Variants in OPRK1 observed in about 807,000 individuals in gnomAD.
OPRK1 encodes the protein kappa-type opioid receptor.
In OPRK1, 15 loss-of-function variants were observed where a neutral mutation model predicts 24.5. The observed-to-expected ratio is 0.61, with a 90% CI of 0.41 to 0.94. The LOEUF is 0.94. Among genes scored for constraint, OPRK1 ranks in the 40% least tolerant of loss-of-function variants. OPRK1 has a pLI of 0.00. For missense variants in OPRK1, 479 were observed against 507.3 expected (o/e 0.94, Z 0.54); for synonymous variants, 205 against 198.0 (o/e 1.04, Z -0.30).
chr8:53,251,149 G>A (rs1807385708), intron 1 of OPRK1, 64 bp from the exon 2 acceptor site: 4 of 1,394,958 alleles, frequency 2.9e-6, no homozygotes, highest in Non-Finnish European at 3.7e-6. Context: ...CTGGCCAGCG[G>A]CGCTGGGGAC....
chr8:53,227,534 T>C lies in OPRK1; in HGVS notation c.*1763A>G, dbSNP rs1806732778. On this transcript the variant is annotated 3_prime_UTR_variant, in exon 4 of 4. Transcript: ENST00000265572. Reference sequence around the variant, plus strand: ...AACCAGTATTTAAGCAATTCCTATTTACATTCAGTTATAAAAATACAAGGG... The same window carrying C: ...AACCAGTATTTAAGCAATTCCTATTCACATTCAGTTATAAAAATACAAGGG... 1 of 152,214 alleles carries C rather than the reference T, an allele frequency of 6.6e-6. No homozygotes were observed. The highest frequency in any genetic ancestry group is 6.5e-5 in the Admixed American group (1 of 15,280). 9.4% of individuals were successfully genotyped at this position (152,214 alleles called of 1,614,324 possible).
intron 1 of OPRK1, 115 bp from the exon 2 acceptor site, chr8:53,251,200 G>A: frequency 8.6e-7 from 1 of 1,159,366 alleles, no homozygotes. Flanking sequence ...AAGTCGCCGG[G>A]GGCAGGACAG....
chr8:53,243,591 T>C (rs749736930), intron 2 of OPRK1, among the ~76,000 whole-genome samples: 5 of 152,224 alleles, frequency 3.3e-5, no homozygotes, highest in Non-Finnish European at 5.9e-5. Flanking sequence ...CACGAGACTT[T>C]GGCCTCCATC....
chr8:53,244,212 A>T (rs1807180274), intron 2 of OPRK1, among the ~76,000 whole-genome samples: 1 of 135,776 alleles, frequency 7.4e-6, no homozygotes, highest in South Asian at 2.4e-4. Flanking sequence ...ATGAGTCAGT[A>T]AATGGCACAT....
intron 2 of OPRK1, among the ~76,000 whole-genome samples, chr8:53,243,758 T>C (rs1275593483): frequency 2.6e-5 from 4 of 152,234 alleles, no homozygotes; most frequent in African/African-American, 7.2e-5. Flanking sequence ...TTTGCTACAT[T>C]TGTATTAAAG....
chr8:53,240,315 T>G (rs548252570), intron 2 of OPRK1, among the ~76,000 whole-genome samples: 2 of 152,192 alleles, frequency 1.3e-5, no homozygotes, highest in African/African-American at 4.8e-5. Flanking sequence ...ACAAAAGCCC[T>G]GGTGATTTTC....
rs193018670 is a variant in OPRK1, at chr8:53,229,101, C to T, written c.*196G>A. The T allele has an allele frequency of 4.6e-5, 27 of 589,222 alleles. No homozygotes were observed. The highest frequency in any genetic ancestry group is 3.7e-4 in the African/African-American group (20 of 53,734). 36.5% of individuals were successfully genotyped at this position (589,222 alleles called of 1,614,324 possible). On this transcript the variant is annotated 3_prime_UTR_variant, in exon 4 of 4. Transcript: ENST00000265572. ...CCCTAGAGAAGAGGTGCATGTGTTG[C>T]GTGGACCTTTTGTCCTTGATGTTTC... is the stretch of plus-strand genomic sequence containing the variant.
chr8:53,232,199 T>A (rs1330741059), intron 3 of OPRK1, among the ~76,000 whole-genome samples: 1 of 151,522 alleles, frequency 6.6e-6, no homozygotes, highest in African/African-American at 2.4e-5. Flanking sequence ...AACCTGAACT[T>A]ACAGAGATAG....
rs751416416 is a variant in OPRK1, at chr8:53,250,920, C to A, written c.118G>T (p.Gly40Cys). Residue 40 changes from glycine to cysteine, a missense_variant, in exon 2 of 4, where the codon GGC becomes TGC. Coordinates refer to ENST00000265572, the MANE Select transcript of OPRK1 (RefSeq NM_000912.5). ...FPGWAEPDSN[G>C]SAGSEDAQLE... ...TGCGCGTCCTCCGAGCCGGCGCTGC[C>A]GTTGCTGTCGGGCTCGGCCCAGCCG... The A allele has an allele frequency of 1.9e-6, 3 of 1,612,198 alleles. No individual in the cohort carries two copies. Among genetic ancestry groups the A allele is most frequent in the Admixed American group, 3.3e-5 (2 of 59,946 alleles).
At chr8:53,241,575 A>G (rs1363390669) in intron 2 of OPRK1, among the ~76,000 whole-genome samples, 1 of 152,102 alleles carries the variant, frequency 6.6e-6, no homozygotes, top group East Asian at 1.9e-4. Flanking sequence ...GAAAGGAAAA[A>G]TGGAAGGAAA....
At chr8:53,247,478 T>G (rs1807260205) in intron 2 of OPRK1, among the ~76,000 whole-genome samples, 1 of 152,186 alleles carries the variant, frequency 6.6e-6, no homozygotes, top group South Asian at 2.1e-4. Context: ...TTGACACATA[T>G]TAAGTGTTCA....
intron 2 of OPRK1, among the ~76,000 whole-genome samples, chr8:53,239,732 G>A (rs1297521367): frequency 6.6e-6 from 1 of 152,168 alleles, no homozygotes; most frequent in Non-Finnish European, 1.5e-5. Flanking sequence ...AGCCTTCATT[G>A]TCACATGACT....
intron 2 of OPRK1, among the ~76,000 whole-genome samples, chr8:53,250,389 A>G (rs1214638340): frequency 6.6e-6 from 1 of 152,184 alleles, no homozygotes; most frequent in Non-Finnish European, 1.5e-5. Context: ...CAAAGGGCAT[A>G]ACAAAGTGCT....
At chr8:53,230,100 A>T (rs1352209657) in intron 3 of OPRK1, among the ~76,000 whole-genome samples, 1 of 151,318 alleles carries the variant, frequency 6.6e-6, no homozygotes, top group African/African-American at 2.4e-5. Context: ...AATCTTGCTC[A>T]TCTAGTTGCA....
At position 53,251,048 on chromosome 8, in the gene OPRK1, T is replaced by C. The variant is rs1242212090; in HGVS notation, c.-11A>G. On this transcript the variant is annotated 5_prime_UTR_variant, in exon 2 of 4. Coordinates refer to ENST00000265572, the MANE Select transcript of OPRK1 (RefSeq NM_000912.5). ...GATCGGGGAGTCCATGGTGGGGCGA[T>C]TGCAGCAGGAAGGCGAGGACAGGCG... The C allele has an allele frequency of 4.6e-6, 7 of 1,508,326 alleles. No individual in the cohort carries two copies. In the Middle Eastern group the frequency reaches 5.5e-4, roughly 118 times the overall value. 93.4% of individuals were successfully genotyped at this position (1,508,326 alleles called of 1,614,324 possible).
intron 3 of OPRK1, among the ~76,000 whole-genome samples, chr8:53,231,194 T>A (rs536498918): frequency 1.3e-5 from 2 of 152,320 alleles, no homozygotes; most frequent in African/African-American, 4.8e-5. Context: ...ATGAAGACTA[T>A]TAACTTTTGC....
chr8:53,227,913 C>T lies in OPRK1; in HGVS notation c.*1384G>A, dbSNP rs202156959. 1.3e-5 allele frequency: 2 copies of T among 152,132 alleles called. No homozygotes were observed. 9.4% of individuals were successfully genotyped at this position (152,132 alleles called of 1,614,324 possible). ...TTGGAGTGTTATTTCTAAATTATCC[C>T]TTTTTTCTTCTCAGGCAAATTACAG... is the stretch of plus-strand genomic sequence containing the variant. On this transcript the variant is annotated 3_prime_UTR_variant, in exon 4 of 4. Coordinates refer to ENST00000265572, the MANE Select transcript of OPRK1 (RefSeq NM_000912.5).
chr8:53,245,234 T>A (rs1324344084), intron 2 of OPRK1, among the ~76,000 whole-genome samples: 4 of 152,072 alleles, frequency 2.6e-5, no homozygotes, highest in African/African-American at 9.7e-5. Context: ...TTTAAAGAGA[T>A]AATTAAGGTA....
chr8:53,237,863 A>T (rs757944799), intron 2 of OPRK1, among the ~76,000 whole-genome samples: 9 of 152,070 alleles, frequency 5.9e-5, no homozygotes, highest in Non-Finnish European at 1.2e-4. Context: ...AAGTTAAGTG[A>T]TTTGTTTGGT....
Sources: gnomAD v4.1 joint callset for allele counts (sites outside exome capture counted in the v4.1 genomes callset) on GRCh38, gnomAD v4.1.1 for gene constraint, MANE v1.5 for transcripts, NCBI Gene and HGNC (gene_info 2026-07-23, HGNC 2026-07-21) for gene names.